The following GLRX3 variants were observed in gnomAD, a reference collection of about 807,000 sequenced individuals.
GLRX3 encodes glutaredoxin-3.
Under a neutral mutation model 49.5 loss-of-function variants are expected in GLRX3, and 22 were observed. That is an observed-to-expected ratio of 0.44 (90% CI 0.32 to 0.63). The LOEUF (loss-of-function observed/expected upper bound fraction) is 0.63, where lower values mean the gene tolerates loss of function less well. GLRX3 is among the 30% of genes least tolerant of loss of function. The pLI is 0.05. For synonymous variants in GLRX3, 133 were observed against 140.0 expected (o/e 0.95, Z 0.35); for missense variants, 385 against 396.3 (o/e 0.97, Z 0.24).
At chr10:130,166,433 G>A (rs1862690651) in intron 4 of GLRX3, 74 bp from the exon 5 acceptor site, 2 of 1,065,942 alleles carry the variant, frequency 1.9e-6, no homozygotes, top group Admixed American at 1.8e-5. Context: ...TATGTACGCT[G>A]AACTAATGTA....
intron 10 of GLRX3, among the ~76,000 whole-genome samples, chr10:130,178,503 C>T (rs1207615646): frequency 6.6e-6 from 1 of 152,066 alleles, no homozygotes; most frequent in Non-Finnish European, 1.5e-5. Context: ...GATCTGCCCC[C>T]TTGGCCTCTT....
At chr10:130,158,040 G>A (rs1448514669) in intron 2 of GLRX3, among the ~76,000 whole-genome samples, 2 of 152,038 alleles carry the variant, frequency 1.3e-5, no homozygotes, top group Non-Finnish European at 2.9e-5. Context: ...CTTAAGATTT[G>A]TCTGTTACCA....
intron 10 of GLRX3, among the ~76,000 whole-genome samples, chr10:130,176,189 G>A (rs1862916222): frequency 6.7e-6 from 1 of 149,816 alleles, no homozygotes; most frequent in African/African-American, 2.5e-5. Flanking sequence ...GTGCAATCTC[G>A]GCTCACTGCA....
At chr10:130,137,579 G>C (rs1393982858) in intron 1 of GLRX3, among the ~76,000 whole-genome samples, 1 of 152,166 alleles carries the variant, frequency 6.6e-6, no homozygotes, top group Non-Finnish European at 1.5e-5. Flanking sequence ...ATTAGCACCT[G>C]TTAGTACCTC....
intron 1 of GLRX3, among the ~76,000 whole-genome samples, chr10:130,140,752 A>G (rs1021883129): frequency 6.7e-6 from 1 of 150,140 alleles, no homozygotes; most frequent in African/African-American, 2.5e-5. Context: ...ATGTAGTTAT[A>G]TTAGTATTTT....
At chr10:130,145,385 G>A in intron 2 of GLRX3, 66 bp downstream of exon 2, 1 of 797,512 alleles carries the variant, frequency 1.3e-6, no homozygotes, top group Non-Finnish European at 2.2e-6. Context: ...GATTAGGGCT[G>A]GGTGCGGTAG....
chr10:130,179,202 A>C, intron 10 of GLRX3, 140 bp from the exon 11 acceptor site: 1 of 529,460 alleles, frequency 1.9e-6, no homozygotes, highest in Non-Finnish European at 3.4e-6. Context: ...ATTTAGTTTG[A>C]GAGTGTTAAG....
chr10:130,165,214 C>A (rs924516305), intron 4 of GLRX3, among the ~76,000 whole-genome samples: 6 of 152,182 alleles, frequency 3.9e-5, no homozygotes, highest in African/African-American at 1.2e-4. Flanking sequence ...AGGTTCTTTT[C>A]CAGTGAATTA....
At chr10:130,178,992 C>G (rs564170095) in intron 10 of GLRX3, among the ~76,000 whole-genome samples, 14 of 152,366 alleles carry the variant, frequency 9.2e-5, no homozygotes, top group African/African-American at 2.4e-4. Context: ...GCATGAGCCA[C>G]TGCACCCAGC....
intron 8 of GLRX3, among the ~76,000 whole-genome samples, chr10:130,173,913 G>A (rs902067577): frequency 2.0e-5 from 3 of 152,032 alleles, no homozygotes; most frequent in Non-Finnish European, 2.9e-5. Flanking sequence ...CCCTATGATG[G>A]TTTCAGTTTT....
chr10:130,160,216 T>G (rs1862548001), intron 3 of GLRX3, 147 bp downstream of exon 3: 3 of 608,470 alleles, frequency 4.9e-6, no homozygotes, highest in Non-Finnish European at 8.9e-6. Flanking sequence ...GTCTCATTTT[T>G]GCACCGATGC....
intron 7 of GLRX3, among the ~76,000 whole-genome samples, chr10:130,170,396 T>C (rs1274658427): frequency 6.6e-6 from 1 of 152,228 alleles, no homozygotes; most frequent in South Asian, 2.1e-4. Flanking sequence ...CCATAACTAG[T>C]GTATAAGTTA....
chr10:130,175,784 G>C (rs756735017), intron 10 of GLRX3, among the ~76,000 whole-genome samples: 7 of 152,214 alleles, frequency 4.6e-5, no homozygotes, highest in Non-Finnish European at 1.0e-4. Flanking sequence ...GTAGCTCTTT[G>C]ATTAGCCCAA....
At chr10:130,179,058 G>A (rs543723118) in intron 10 of GLRX3, among the ~76,000 whole-genome samples, 46 of 151,490 alleles carry the variant, frequency 3.0e-4, no homozygotes, top group African/African-American at 1.1e-3. Context: ...GGCTGGTCTT[G>A]AACTCCTGGC....
intron 1 of GLRX3, among the ~76,000 whole-genome samples, chr10:130,138,126 G>A (rs1590053797): frequency 6.6e-6 from 1 of 151,936 alleles, no homozygotes; most frequent in South Asian, 2.1e-4. Flanking sequence ...GCGTGATCTC[G>A]GCTCACTGCA....
chr10:130,165,463 A>G (rs779455008), intron 4 of GLRX3, among the ~76,000 whole-genome samples: 5 of 152,358 alleles, frequency 3.3e-5, no homozygotes, highest in Non-Finnish European at 7.4e-5. Context: ...ATCATGGAAC[A>G]TAAAATTGTC....
intron 10 of GLRX3, among the ~76,000 whole-genome samples, chr10:130,176,055 T>C (rs569288516): frequency 2.6e-5 from 4 of 152,350 alleles, no homozygotes; most frequent in African/African-American, 7.2e-5. Flanking sequence ...TCTTCGACTT[T>C]TTATGTGGAA....
intron 1 of GLRX3, 62 bp downstream of exon 1, chr10:130,136,574 C>T: frequency 3.2e-6 from 4 of 1,242,770 alleles, no homozygotes; most frequent in Non-Finnish European, 4.0e-6. Flanking sequence ...CGAGACCGGG[C>T]CGGTGTGGGG....
At chr10:130,142,376 CCTTGGCTCCTGA>C (rs2134870859) in intron 1 of GLRX3, among the ~76,000 whole-genome samples, 1 of 152,280 alleles carries the variant, frequency 6.6e-6, no homozygotes, top group East Asian at 1.9e-4. Flanking sequence ...ATTCTTAATT[CCTTGGCTCCTGA>C]CTCAGAGGAG....
Sources: allele counts gnomAD v4.1 joint callset (sites outside exome capture counted in the v4.1 genomes callset), GRCh38; gene constraint gnomAD v4.1.1; transcripts MANE v1.5; gene names NCBI Gene and HGNC (gene_info 2026-07-23, HGNC 2026-07-21).